The following DOCK7 variants were observed in gnomAD, a reference collection of about 807,000 sequenced individuals.
DOCK7 encodes the protein dedicator of cytokinesis 7, also known as dedicator of cytokinesis protein 7.
A neutral mutation model predicts 271.0 loss-of-function variants in DOCK7; 138 were observed. The observed-to-expected ratio is 0.51, with a 90% CI of 0.44 to 0.59. The LOEUF (loss-of-function observed/expected upper bound fraction) is 0.59, where lower values mean the gene tolerates loss of function less well. Among genes scored for constraint, DOCK7 ranks in the 20% least tolerant of loss-of-function variants. DOCK7 has a pLI of 0.00. For synonymous variants in DOCK7, 823 were observed against 876.1 expected, an observed-to-expected ratio of 0.94 and a Z score of 1.07; for missense variants, 2,066 against 2,592.4, an observed-to-expected ratio of 0.80 and a Z score of 4.41.
chr1:62,611,271 T>A (rs1348284551), intron 14 of DOCK7, among the ~76,000 whole-genome samples: 3 of 152,230 alleles, frequency 2.0e-5, no homozygotes, highest in Non-Finnish European at 4.4e-5. Flanking sequence ...ATATATTTTA[T>A]TTCATGCATT....
chr1:62,625,512 A>T (rs539397528), intron 11 of DOCK7, 111 bp from the exon 12 acceptor site: 1 of 1,048,336 alleles, frequency 9.5e-7, no homozygotes. Context: ...CCCACTCAGC[A>T]TATCAAGTAT....
At chr1:62,557,460 G>C (rs528502949) in intron 20 of DOCK7, among the ~76,000 whole-genome samples, 94 of 150,704 alleles carry the variant, frequency 6.2e-4, no homozygotes, top group African/African-American at 2.1e-3. Flanking sequence ...ACTCAACCCT[G>C]CTTTCTCTTC....
At chr1:62,566,873 A>G (rs1646532868) in intron 18 of DOCK7, among the ~76,000 whole-genome samples, 2 of 144,260 alleles carry the variant, frequency 1.4e-5, no homozygotes, top group Non-Finnish European at 3.1e-5. Flanking sequence ...ATCCCATCAA[A>G]AAGTTGGCAA....
chr1:62,530,256 G>C (rs1410621995), intron 29 of DOCK7, among the ~76,000 whole-genome samples: 1 of 152,156 alleles, frequency 6.6e-6, no homozygotes. Flanking sequence ...TTCTGAATTT[G>C]CTCTGGCCAG....
Position 62,489,091 on chromosome 1 carries a change from G to A in DOCK7, c.5362-26C>T, listed in dbSNP as rs142329660. 87 of 1,540,652 alleles carry A rather than the reference G, an allele frequency of 5.6e-5. No individual in the cohort carries two copies. The East Asian group carries it at 7.6e-4, about 13-fold the overall frequency. ...CTATAAGAAAAAATTTTGTTAAGAT[G>A]TTGCTTTCTTTTACATCAATAAGAA... On this transcript the variant is annotated intron_variant, in intron 41 of 49. Coordinates refer to ENST00000635253, the MANE Select transcript of DOCK7 (RefSeq NM_001367561.1).
intron 2 of DOCK7, among the ~76,000 whole-genome samples, chr1:62,661,874 A>G (rs1012099749): frequency 3.3e-5 from 5 of 152,218 alleles, no homozygotes; most frequent in African/African-American, 1.2e-4. Flanking sequence ...ATGCAAAATA[A>G]TATCACTGGA....
intron 42 of DOCK7, chr1:62,488,058 T>G (rs181986436): frequency 1.3e-5 from 2 of 152,432 alleles, no homozygotes; most frequent in East Asian, 3.9e-4. Flanking sequence ...TAGAACAGCT[T>G]AATTCATTGC....
chr1:62,496,218 T>C, intron 38 of DOCK7, 121 bp downstream of exon 38: 1 of 1,050,520 alleles, frequency 9.5e-7, no homozygotes, highest in Non-Finnish European at 1.4e-6. Context: ...GCACATGATG[T>C]GTGGATTGAA....
At chr1:62,528,474 GTAA>G (rs906174316) in intron 30 of DOCK7, among the ~76,000 whole-genome samples, 169 bp from the exon 31 acceptor site, 6 of 152,052 alleles carry the variant, frequency 3.9e-5, no homozygotes, top group African/African-American at 1.4e-4. Flanking sequence ...CATTGCTATG[GTAA>G]TAATTTATAG....
intron 33 of DOCK7, among the ~76,000 whole-genome samples, chr1:62,512,750 C>G (rs963916182): frequency 6.6e-6 from 1 of 150,868 alleles, no homozygotes; most frequent in Non-Finnish European, 1.5e-5. Context: ...AAAAAAATTA[C>G]TTGGGCATGG....
chr1:62,483,586 C>CTT (rs146567320), intron 43 of DOCK7: 2,889 of 143,044 alleles, frequency 0.02, 37 homozygotes, highest in Middle Eastern at 0.036. Context: ...GTTCTGATTT[C>CTT]TTTTTTTTTT....
chr1:62,480,964 G>T (rs1646105437), intron 43 of DOCK7, among the ~76,000 whole-genome samples: 1 of 133,464 alleles, frequency 7.5e-6, no homozygotes, highest in Non-Finnish European at 1.5e-5. Flanking sequence ...AGCCGAGATC[G>T]CGTCACTGCA....
chr1:62,659,058 A>C (rs1365362741), intron 2 of DOCK7, among the ~76,000 whole-genome samples: 1 of 152,206 alleles, frequency 6.6e-6, no homozygotes, highest in Non-Finnish European at 1.5e-5. Flanking sequence ...GAATGGCTAA[A>C]AGAAATTCCT....
intron 31 of DOCK7, among the ~76,000 whole-genome samples, chr1:62,525,497 T>C (rs1571401704): frequency 1.3e-5 from 2 of 152,262 alleles, no homozygotes; most frequent in Admixed American, 1.3e-4. Context: ...CTCATTATGT[T>C]TTATGTACTT....
chr1:62,542,844 C>T (rs1645581005), intron 24 of DOCK7, 141 bp from the exon 25 acceptor site: 1 of 618,896 alleles, frequency 1.6e-6, no homozygotes. Context: ...GCACTGAAGA[C>T]ACCCATTAAC....
At chr1:62,640,246 G>A (rs1284309113) in intron 7 of DOCK7, among the ~76,000 whole-genome samples, 4 of 152,208 alleles carry the variant, frequency 2.6e-5, no homozygotes, top group East Asian at 1.9e-4. Flanking sequence ...GGGCACGGTG[G>A]CTCACTCCTG....
At chr1:62,573,383 A>G (rs1021509748) in intron 18 of DOCK7, among the ~76,000 whole-genome samples, 2 of 152,230 alleles carry the variant, frequency 1.3e-5, no homozygotes, top group Admixed American at 1.3e-4. Context: ...GATTATGTCT[A>G]TGTGCAAGAA....
intron 18 of DOCK7, among the ~76,000 whole-genome samples, chr1:62,566,892 AACAG>A (rs139360475): frequency 0.24 from 36,538 of 151,870 alleles, 5,442 homozygotes; most frequent in East Asian, 0.53. Flanking sequence ...AAAGGTTATG[AACAG>A]ACACTTCTCA....
chr1:62,662,978 G>T, intron 2 of DOCK7, 47 bp downstream of exon 2: 1 of 1,454,706 alleles, frequency 6.9e-7, no homozygotes, highest in Non-Finnish European at 9.5e-7. Flanking sequence ...TCATGGCCTA[G>T]TCAATCATAC....
Sources: allele counts gnomAD v4.1 joint callset (sites outside exome capture counted in the v4.1 genomes callset), GRCh38; gene constraint gnomAD v4.1.1; transcripts MANE v1.5; gene names NCBI Gene and HGNC (gene_info 2026-07-23, HGNC 2026-07-21).